QTMAN: variants seen among roughly 807,000 people sequenced by gnomAD.
QTMAN encodes tRNA-queuosine alpha-mannosyltransferase.
At chr2:144,283,576 T>C in the QTMAN span, among the ~76,000 whole-genome samples, 1 of 152,188 alleles carries the variant, frequency 6.6e-6, no homozygotes, top group Admixed American at 6.5e-5. Flanking sequence ...TTATATAACC[T>C]GAATAAGGCC....
the QTMAN span, among the ~76,000 whole-genome samples, chr2:144,052,755 G>T: frequency 6.6e-6 from 1 of 152,116 alleles, no homozygotes; most frequent in Non-Finnish European, 1.5e-5. Flanking sequence ...GGGTTCAAGC[G>T]ATTCTCCTGT....
chr2:143,948,383 T>A, the QTMAN span, among the ~76,000 whole-genome samples: 3 of 152,252 alleles, frequency 2.0e-5, no homozygotes, highest in East Asian at 3.9e-4. Context: ...AGCTATCACC[T>A]GAAAAATCTT....
the QTMAN span, among the ~76,000 whole-genome samples, chr2:144,019,368 T>C: frequency 2.0e-5 from 3 of 150,338 alleles, no homozygotes; most frequent in Non-Finnish European, 4.4e-5. Context: ...TTTCAGAAGA[T>C]GGAAAGCAGA....
At chr2:143,959,286 G>GAC in the QTMAN span, among the ~76,000 whole-genome samples, 1 of 151,814 alleles carries the variant, frequency 6.6e-6, no homozygotes, top group Non-Finnish European at 1.5e-5. Flanking sequence ...CCATCAGTCT[G>GAC]ACATTTTTTA....
chr2:144,069,961 G>A, the QTMAN span, among the ~76,000 whole-genome samples: 5 of 151,838 alleles, frequency 3.3e-5, no homozygotes, highest in Admixed American at 1.3e-4. Context: ...CATTTTTAAC[G>A]CTATACATTA....
chr2:144,179,270 C>T, the QTMAN span, among the ~76,000 whole-genome samples: 1 of 152,118 alleles, frequency 6.6e-6, no homozygotes, highest in Non-Finnish European at 1.5e-5. Flanking sequence ...CTGGGTTTTT[C>T]TACTGCCTAA....
the QTMAN span, among the ~76,000 whole-genome samples, chr2:144,227,632 G>GT: frequency 6.6e-6 from 1 of 152,116 alleles, no homozygotes; most frequent in Admixed American, 6.5e-5. Context: ...CCTGTCCTCA[G>GT]ACATGGAAAC....
At chr2:144,101,666 G>A in the QTMAN span, among the ~76,000 whole-genome samples, 3 of 152,010 alleles carry the variant, frequency 2.0e-5, no homozygotes, top group South Asian at 4.2e-4. Context: ...AGTATGTTTA[G>A]AAGTTTTGTT....
chr2:144,018,693 T>G, the QTMAN span, among the ~76,000 whole-genome samples: 1 of 149,684 alleles, frequency 6.7e-6, no homozygotes, highest in Non-Finnish European at 1.5e-5. Flanking sequence ...AAACACTGAG[T>G]GAAAAAGGTT....
the QTMAN span, among the ~76,000 whole-genome samples, chr2:144,236,064 T>C: frequency 1.1e-4 from 16 of 152,084 alleles, no homozygotes; most frequent in African/African-American, 3.9e-4. Context: ...TCCTGAATGA[T>C]ATATGTAAAA....
the QTMAN span, among the ~76,000 whole-genome samples, chr2:144,280,970 C>A: frequency 6.6e-6 from 1 of 151,580 alleles, no homozygotes. Flanking sequence ...AGGTTTGTTA[C>A]ATACGTATAC....
the QTMAN span, among the ~76,000 whole-genome samples, chr2:144,008,501 C>T: frequency 1.3e-5 from 2 of 152,044 alleles, no homozygotes; most frequent in Non-Finnish European, 2.9e-5. Context: ...TAACATGCAA[C>T]CCAAAGAGAC....
chr2:143,957,726 C>T, the QTMAN span, among the ~76,000 whole-genome samples: 5 of 152,120 alleles, frequency 3.3e-5, no homozygotes, highest in Non-Finnish European at 7.4e-5. Context: ...AATGGCATTG[C>T]AGTGACAGCT....
At chr2:144,039,138 A>C in the QTMAN span, among the ~76,000 whole-genome samples, 26 of 152,304 alleles carry the variant, frequency 1.7e-4, no homozygotes, top group South Asian at 5.4e-3. Flanking sequence ...CCATTAAAAA[A>C]AATTCTTCCC....
At chr2:144,036,827 C>T in the QTMAN span, among the ~76,000 whole-genome samples, 1 of 152,042 alleles carries the variant, frequency 6.6e-6, no homozygotes, top group Admixed American at 6.6e-5. Context: ...TGGGGGTAAT[C>T]AAAGGTAGTA....
At chr2:143,983,525 T>C in the QTMAN span, among the ~76,000 whole-genome samples, 1 of 142,476 alleles carries the variant, frequency 7.0e-6, no homozygotes. Context: ...CAGGCTGGAG[T>C]GCAGTGGCGT....
At chr2:144,266,013 A>G in the QTMAN span, among the ~76,000 whole-genome samples, 1 of 152,202 alleles carries the variant, frequency 6.6e-6, no homozygotes, top group Non-Finnish European at 1.5e-5. Context: ...CTAAGAGTTG[A>G]GAAGTAGAAG....
chr2:144,105,896 A>G, the QTMAN span, among the ~76,000 whole-genome samples: 1 of 152,252 alleles, frequency 6.6e-6, no homozygotes, highest in Admixed American at 6.5e-5. Context: ...TTAGACTAAC[A>G]GTGAATCTCT....
At chr2:144,058,054 G>A in the QTMAN span, among the ~76,000 whole-genome samples, 6 of 149,746 alleles carry the variant, frequency 4.0e-5, no homozygotes, top group East Asian at 2.0e-4. Context: ...AAGTCATTGC[G>A]AAGATTGCAA....
Sources: allele counts gnomAD v4.1 joint callset (sites outside exome capture counted in the v4.1 genomes callset), GRCh38; gene constraint gnomAD v4.1.1; transcripts MANE v1.5; gene names NCBI Gene and HGNC (gene_info 2026-07-23, HGNC 2026-07-21).